The following FRAS1 variants were observed in gnomAD, a reference collection of about 807,000 sequenced individuals.
The protein encoded by FRAS1 is extracellular matrix organizing protein FRAS1.
A neutral mutation model predicts 435.2 loss-of-function variants in FRAS1; 290 were observed. The observed-to-expected ratio is 0.67, with a 90% CI of 0.61 to 0.73. FRAS1 has a LOEUF of 0.73. FRAS1 is among the 30% of genes least tolerant of loss of function. FRAS1 has a pLI of 0.00. For synonymous variants in FRAS1, 1,800 were observed against 1,851.0 expected (o/e 0.97, Z 0.71); for missense variants, 4,860 against 5,001.5 (o/e 0.97, Z 0.85).
chr4:78,165,194 A>G (rs1460737741), intron 2 of FRAS1, among the ~76,000 whole-genome samples: 1 of 152,214 alleles, frequency 6.6e-6, no homozygotes, highest in African/African-American at 2.4e-5. Context: ...TAACAATACA[A>G]AAGTTTATAA....
At chr4:78,068,707 T>C in intron 2 of FRAS1, 1 of 382,016 alleles carries the variant, frequency 2.6e-6, no homozygotes, top group Non-Finnish European at 5.2e-6. Flanking sequence ...ACTAAAAAAT[T>C]TCTGTCAAAT....
intron 47 of FRAS1, among the ~76,000 whole-genome samples, chr4:78,457,375 A>G (rs913146119): frequency 4.6e-5 from 7 of 152,250 alleles, no homozygotes; most frequent in African/African-American, 1.7e-4. Context: ...CAGCCCCCAA[A>G]TCTTCTTAAT....
At chr4:78,296,195 T>C (rs1164702098) in intron 14 of FRAS1, among the ~76,000 whole-genome samples, 1 of 151,546 alleles carries the variant, frequency 6.6e-6, no homozygotes. Context: ...GTTGCTGCTC[T>C]CCTGTTTGGT....
intron 61 of FRAS1, among the ~76,000 whole-genome samples, chr4:78,501,332 T>C (rs981031598): frequency 2.6e-5 from 4 of 152,254 alleles, no homozygotes; most frequent in African/African-American, 9.6e-5. Flanking sequence ...TTCCATGGTA[T>C]ATATGTGCCA....
At chr4:78,116,299 G>A (rs56006343) in intron 2 of FRAS1, among the ~76,000 whole-genome samples, 42,565 of 152,006 alleles carry the variant, frequency 0.28, 6,281 homozygotes, top group African/African-American at 0.35. Flanking sequence ...AAAAGAATGT[G>A]TATTCTGTTG....
In FRAS1 at chr4:78,267,434, T is replaced by G. The variant is rs1389460770; in HGVS notation, c.981+2T>G. 2 of 1,612,692 alleles carry G rather than the reference T, an allele frequency of 1.2e-6. No homozygotes were observed. Among genetic ancestry groups the G allele is most frequent in the Non-Finnish European group, 8.5e-7 (1 of 1,179,318 alleles). On this transcript the variant is annotated splice_donor_variant, in intron 9 of 73. Transcript: ENST00000512123. LOFTEE classifies it high-confidence loss of function. ...TGTGCCAAAGTGGAGTGTGCCCGGG[T>G]AAGAAGCAGGGGCATTTCCATTTGG...
rs1733804196 is a variant in FRAS1, at chr4:78,421,919, G to GA, written c.4598dup (p.Asp1533GlufsTer3). On this transcript the variant is annotated frameshift_variant, in exon 34 of 74. Coordinates refer to ENST00000512123, the MANE Select transcript of FRAS1 (RefSeq NM_025074.7). LOFTEE classifies it high-confidence loss of function. The stretch of plus-strand genomic sequence containing the variant: ...TCCTATCCGGTATTTCACGCAAGAG[G>GA]ATATTAACCAGGGCAAAGTCATGTA... 6.2e-7 allele frequency: 1 copy of GA among 1,613,704 alleles called. No homozygotes were observed. The highest frequency in any genetic ancestry group is 1.3e-5 in the African/African-American group (1 of 74,860).
intron 35 of FRAS1, among the ~76,000 whole-genome samples, chr4:78,425,807 C>T (rs573035289): frequency 6.6e-6 from 1 of 152,184 alleles, no homozygotes; most frequent in South Asian, 2.1e-4. Flanking sequence ...ATATTATTTT[C>T]AGCATTTTAA....
At chr4:78,182,329 A>T (rs927354533) in intron 2 of FRAS1, among the ~76,000 whole-genome samples, 9 of 152,292 alleles carry the variant, frequency 5.9e-5, no homozygotes, top group African/African-American at 2.2e-4. Flanking sequence ...GGGGGCCTGG[A>T]AGGGGAGCTT....
At chr4:78,470,245 T>A (rs191176699) in intron 51 of FRAS1, among the ~76,000 whole-genome samples, 154 bp downstream of exon 51, 1 of 152,234 alleles carries the variant, frequency 6.6e-6, no homozygotes, top group Non-Finnish European at 1.5e-5. Context: ...TCCGTGAGTT[T>A]GGTTAGGATA....
chr4:78,077,673 T>A (rs963223321), intron 2 of FRAS1, among the ~76,000 whole-genome samples: 14 of 152,124 alleles, frequency 9.2e-5, no homozygotes, highest in Admixed American at 7.2e-4. Context: ...AGCTCCCACT[T>A]ATAAATGAGG....
At chr4:78,158,332 T>C (rs1363143365) in intron 2 of FRAS1, among the ~76,000 whole-genome samples, 1 of 152,206 alleles carries the variant, frequency 6.6e-6, no homozygotes, top group South Asian at 2.1e-4. Flanking sequence ...TTTCCATTTG[T>C]TTGTGTCATA....
intron 35 of FRAS1, among the ~76,000 whole-genome samples, chr4:78,425,466 T>A (rs1733962411): frequency 6.6e-6 from 1 of 152,214 alleles, no homozygotes; most frequent in African/African-American, 2.4e-5. Context: ...ATTAAATTGC[T>A]GTTTAGATGG....
At chr4:78,372,599 C>A in intron 23 of FRAS1, 119 bp from the exon 24 acceptor site, 2 of 1,198,356 alleles carry the variant, frequency 1.7e-6, no homozygotes, top group Non-Finnish European at 2.4e-6. Flanking sequence ...ACTTATCTGA[C>A]ATCTCTTACG....
chr4:78,328,905 T>G (rs1729822816), intron 18 of FRAS1, among the ~76,000 whole-genome samples: 1 of 152,228 alleles, frequency 6.6e-6, no homozygotes, highest in East Asian at 1.9e-4. Context: ...GATCAGCTCA[T>G]TCTTTCCCTT....
chr4:78,177,345 A>G (rs1721819628), intron 2 of FRAS1, among the ~76,000 whole-genome samples: 1 of 152,236 alleles, frequency 6.6e-6, no homozygotes, highest in South Asian at 2.1e-4. Context: ...GTTATTCTAA[A>G]TGGTATTTTT....
chr4:78,509,849 A>G (rs1331214472), intron 63 of FRAS1, among the ~76,000 whole-genome samples: 1 of 152,250 alleles, frequency 6.6e-6, no homozygotes, highest in Non-Finnish European at 1.5e-5. Context: ...GCCTAAAATT[A>G]TATCACTGAA....
intron 34 of FRAS1, among the ~76,000 whole-genome samples, chr4:78,424,083 C>T (rs1254791905): frequency 6.6e-6 from 1 of 152,122 alleles, no homozygotes. Context: ...CCCGCATTCA[C>T]CGATTTGTAG....
chr4:78,468,890 C>T (rs1015704074), intron 50 of FRAS1, among the ~76,000 whole-genome samples: 9 of 152,132 alleles, frequency 5.9e-5, no homozygotes, highest in Admixed American at 4.6e-4. Context: ...TCTACTTTGA[C>T]ACTGAAGGAT....
Sources: gnomAD v4.1 joint callset for allele counts (sites outside exome capture counted in the v4.1 genomes callset) on GRCh38, gnomAD v4.1.1 for gene constraint, MANE v1.5 for transcripts, NCBI Gene and HGNC (gene_info 2026-07-23, HGNC 2026-07-21) for gene names.